CTDSP1: variants seen among roughly 807,000 people sequenced by gnomAD.
CTDSP1 encodes carboxy-terminal domain RNA polymerase II polypeptide A small phosphatase 1.
CTDSP1 carries 15 observed loss-of-function variants against 32.5 expected under a neutral mutation model. The ratio of observed to expected loss-of-function variants is 0.46; its 90% CI spans 0.31 to 0.71. CTDSP1 has a LOEUF of 0.71. Among genes scored for constraint, CTDSP1 ranks in the 30% least tolerant of loss-of-function variants. The pLI, the probability that CTDSP1 is intolerant of heterozygous loss-of-function variation, is 0.05. For missense variants in CTDSP1, 294 were observed against 351.1 expected (o/e 0.84, Z 1.30); for synonymous variants, 185 against 145.4 (o/e 1.27, Z -1.96).
rs1433509168 is a variant in CTDSP1 at position 218,403,363 on chromosome 2, G to T, written c.603G>T (p.Arg201=). The T allele has an allele frequency of 6.2e-7, 1 of 1,613,358 alleles. No homozygotes were observed. The highest frequency in any genetic ancestry group is 1.3e-5 in the African/African-American group (1 of 75,056). ...DLSRLGRDLR[R]VLILDNSPAS... ...GCCGGTTGGGTCGAGACCTGCGGCG[G>T]GTGCTCATCCTGGACAATTCACCTG... The change falls in exon 6 of 7, where the codon CGG becomes CGT. Residue 201 remains arginine, a synonymous_variant. Transcript: ENST00000273062.
In CTDSP1 at chr2:218,402,636, C is replaced by T. The variant is rs775679854; in HGVS notation, c.378+231C>T. 3.9e-6 allele frequency: 3 copies of T among 766,108 alleles called. No individual in the cohort carries two copies. In the South Asian group the frequency reaches 4.2e-5, roughly 11 times the overall value. 47.5% of individuals were successfully genotyped at this position (766,108 alleles called of 1,614,324 possible). A position where few individuals can be genotyped will look rare whatever the true frequency, so the allele number is the denominator to read the frequency against. On this transcript the variant is annotated intron_variant, in intron 4 of 6. Coordinates refer to ENST00000273062, the MANE Select transcript of CTDSP1 (RefSeq NM_021198.3). ...GCTCCCCCGTGCTGTGCTCCCTCGC[C>T]CCACCCTGCCCGGGACCCAGTTCAA...
rs1697237949 is a variant in CTDSP1 at position 218,403,146 on chromosome 2, C to A, written c.471+19C>A. ...CGCCAAGGTGAGCCCCACAGGGGTCCCGGGGCAACCCTGCCCTCCTACCTA... is the reference window on the plus strand; with the variant it reads ...CGCCAAGGTGAGCCCCACAGGGGTCACGGGGCAACCCTGCCCTCCTACCTA... On this transcript the variant is annotated intron_variant, in intron 5 of 6. Transcript: ENST00000273062. The A allele has an allele frequency of 6.2e-7, 1 of 1,613,834 alleles. No individual in the cohort carries two copies. Among genetic ancestry groups the A allele is most frequent in the African/African-American group, 1.3e-5 (1 of 75,018 alleles).
chr2:218,399,758 C>T (rs564839001), upstream of CTDSP1: 3 of 1,036,958 alleles, frequency 2.9e-6, no homozygotes, highest in South Asian at 4.5e-5. Context: ...CCCAGTCCGC[C>T]TAGCCGCGCC....
At chr2:218,400,896 A>G (rs955117136) in intron 1 of CTDSP1, 3 of 445,814 alleles carry the variant, frequency 6.7e-6, no homozygotes, top group South Asian at 4.7e-5. Context: ...CGCTGCCCCC[A>G]GGTCTGCCCA....
Position 218,402,220 on chromosome 2 carries a change from G to T in CTDSP1, c.321+5G>T, listed in dbSNP as rs1400257365. Reference sequence around the variant, plus strand: ...CTGGTGCACAGCTCCTTCAAGGTGGGCCCTGCTCAACAGCCCTCAGCCCGG... The same window carrying T: ...CTGGTGCACAGCTCCTTCAAGGTGGTCCCTGCTCAACAGCCCTCAGCCCGG... On this transcript the variant is annotated splice_donor_5th_base_variant and intron_variant, in intron 3 of 6. Transcript: ENST00000273062. 6.2e-7 allele frequency: 1 copy of T among 1,613,166 alleles called. No homozygotes were observed. Among genetic ancestry groups the T allele is most frequent in the Non-Finnish European group, 8.5e-7 (1 of 1,179,556 alleles).
Position 218,399,871 on chromosome 2 carries a change from T to G in CTDSP1, c.-220T>G, listed in dbSNP as rs1463236591. 4 of 1,244,796 alleles carry G rather than the reference T, an allele frequency of 3.2e-6. No homozygotes were observed. Among genetic ancestry groups the G allele is most frequent in the African/African-American group, 3.1e-5 (2 of 63,870 alleles). 77.1% of individuals were successfully genotyped at this position (1,244,796 alleles called of 1,614,324 possible). On this transcript the variant is annotated 5_prime_UTR_variant, in exon 1 of 7. Transcript: ENST00000273062. ...ACGGCGCCTGGGTTCCATGTTTGCA[T>G]CCGCCTCGCGGGAAGGAAACTCCAT...
intron 4 of CTDSP1, chr2:218,402,734 C>A: frequency 1.3e-6 from 1 of 753,850 alleles, no homozygotes; most frequent in Non-Finnish European, 2.5e-6. Flanking sequence ...GCCCTGCAGC[C>A]TTGGGGTGAG....
chr2:218,399,939 C>A lies in CTDSP1; in HGVS notation c.-152C>A. The stretch of plus-strand genomic sequence containing the variant: ...TCCGCGCCCCCTCCCTCCCCCTCCC[C>A]CCTAGAACCTGGCTCCCCTCCCCTC... On this transcript the variant is annotated 5_prime_UTR_variant, in exon 1 of 7. Coordinates refer to ENST00000273062, the MANE Select transcript of CTDSP1 (RefSeq NM_021198.3). 2 of 1,165,664 alleles carry A rather than the reference C, an allele frequency of 1.7e-6. No individual in the cohort carries two copies. Among genetic ancestry groups the A allele is most frequent in the Non-Finnish European group, 2.1e-6 (2 of 936,136 alleles). The allele number at this position is 1,165,664 out of a possible 1,614,324, so 72.2% of individuals were successfully genotyped here.
At chr2:218,400,540 C>T (rs1052666751) in intron 1 of CTDSP1, 2 of 375,756 alleles carry the variant, frequency 5.3e-6, no homozygotes, top group African/African-American at 4.2e-5. Flanking sequence ...CTCCGCCCCA[C>T]CCCCCACCCC....
intron 2 of CTDSP1, 152 bp from the exon 3 acceptor site, chr2:218,401,959 C>T (rs576966757): frequency 5.2e-4 from 361 of 693,280 alleles, no homozygotes; most frequent in Middle Eastern, 1.6e-3. Flanking sequence ...CCTACCCAAG[C>T]CCTAGAGCTG....
chr2:218,401,837 G>C, intron 2 of CTDSP1, 125 bp downstream of exon 2: 16 of 958,806 alleles, frequency 1.7e-5, no homozygotes, highest in Non-Finnish European at 2.1e-5. Flanking sequence ...GAGTAGGAGG[G>C]TGGCAGCCTC....
chr2:218,399,763 C>T, upstream of CTDSP1: 2 of 1,042,306 alleles, frequency 1.9e-6, no homozygotes, highest in Admixed American at 5.6e-5. Flanking sequence ...TCCGCCTAGC[C>T]GCGCCGGTCC....
intron 1 of CTDSP1, chr2:218,400,712 C>T (rs866034397): frequency 4.4e-6 from 2 of 455,806 alleles, no homozygotes; most frequent in African/African-American, 4.0e-5. Context: ...ACAGAGAGGA[C>T]GGCCGGCACT....
rs367622179 is a variant in CTDSP1 at position 218,402,341 on chromosome 2, C to T, written c.322-8C>T. 4.6e-5 allele frequency: 74 copies of T among 1,614,082 alleles called. 1 individual carries two copies. In the East Asian group the frequency reaches 6.2e-4, roughly 14 times the overall value. ...CCTCCAACTCCAGCAGCTCTTTTCC[C>T]CCCACAGCCAGTGAACAACGCGGAC... is the stretch of plus-strand genomic sequence containing the variant. On this transcript the variant is annotated splice_polypyrimidine_tract_variant and splice_region_variant and intron_variant, in intron 3 of 6. Transcript: ENST00000273062.
chr2:218,402,584 A>G, intron 4 of CTDSP1, 179 bp downstream of exon 4: 1 of 771,968 alleles, frequency 1.3e-6, no homozygotes, highest in East Asian at 2.5e-5. Flanking sequence ...GCTGACTCCA[A>G]GCCTGCAGAG....
At chr2:218,402,253 G>C in intron 3 of CTDSP1, 38 bp downstream of exon 3, 1 of 1,611,494 alleles carries the variant, frequency 6.2e-7, no homozygotes, top group Non-Finnish European at 8.5e-7. Context: ...CGGGTCTCGG[G>C]GGGCATCCCC....
upstream of CTDSP1, chr2:218,399,672 CTCAGCCCCGCCG>C (rs1696997582): frequency 1.2e-5 from 11 of 939,352 alleles, no homozygotes; most frequent in South Asian, 4.4e-4. Context: ...GCCGCAGAGA[CTCAGCCCCGCCG>C]GCGGGCGGCA....
upstream of CTDSP1, among the ~76,000 whole-genome samples, chr2:218,397,789 T>C (rs959741951): frequency 6.6e-6 from 1 of 152,044 alleles, no homozygotes; most frequent in African/African-American, 2.4e-5. Flanking sequence ...TCTCGCTCAC[T>C]CCGTAACTAA....
At chr2:218,400,580 C>G in intron 1 of CTDSP1, 1 of 375,056 alleles carries the variant, frequency 2.7e-6, no homozygotes, top group South Asian at 2.0e-5. Flanking sequence ...CCGGTAGGGT[C>G]TTGGGAGGGG....
Sources: allele counts gnomAD v4.1 joint callset (sites outside exome capture counted in the v4.1 genomes callset), GRCh38; gene constraint gnomAD v4.1.1; transcripts MANE v1.5; gene names NCBI Gene and HGNC (gene_info 2026-07-23, HGNC 2026-07-21).